The following ASIC2 variants were observed in gnomAD, a reference collection of about 807,000 sequenced individuals.
ASIC2 encodes the protein acid sensing ion channel subunit 2.
Under a neutral mutation model 57.3 loss-of-function variants are expected in ASIC2, and 25 were observed. The ratio of observed to expected loss-of-function variants is 0.44; its 90% CI spans 0.32 to 0.61. ASIC2 has a LOEUF of 0.61. Ranked by LOEUF, ASIC2 falls within the 20% of genes least tolerant of loss-of-function variation. The pLI is 0.06. For missense variants in ASIC2, 641 were observed against 738.1 expected (o/e 0.87, Z 1.52); for synonymous variants, 319 against 307.5 (o/e 1.04, Z -0.39).
intron 1 of ASIC2, among the ~76,000 whole-genome samples, chr17:33,168,013 T>G (rs575855769): frequency 6.6e-6 from 1 of 152,338 alleles, no homozygotes; most frequent in South Asian, 2.1e-4. Context: ...AATGCAATAA[T>G]GCCAATATTG....
rs182486705 is a variant in ASIC2 at position 33,707,638 on chromosome 17, C to T, written c.555+448340G>A. On this transcript the variant is annotated intron_variant, in intron 1 of 9. Coordinates refer to the ASIC2 transcript ENST00000359872. Reference sequence around the variant, plus strand: ...GAGAATGTAAATTGGAGAGTTTCCCCGCATAGTTTTCCCTTCTCTGAGTTC... The same window carrying T: ...GAGAATGTAAATTGGAGAGTTTCCCTGCATAGTTTTCCCTTCTCTGAGTTC... Among the ~76,000 whole-genome samples, 563 of 152,232 alleles carry T rather than the reference C, an allele frequency of 3.7e-3. 2 individuals carry two copies. The highest frequency in any genetic ancestry group is 0.01 in the Middle Eastern group (3 of 294).
chr17:33,366,590 A>G (rs1028811999), intron 1 of ASIC2, among the ~76,000 whole-genome samples: 1 of 152,156 alleles, frequency 6.6e-6, no homozygotes, highest in Non-Finnish European at 1.5e-5. Flanking sequence ...TTATCCTCCC[A>G]TGGCTTGCAG....
At chr17:33,096,510 G>C (rs1242211986) in intron 2 of ASIC2, among the ~76,000 whole-genome samples, 3 of 152,202 alleles carry the variant, frequency 2.0e-5, no homozygotes, top group African/African-American at 7.2e-5. Flanking sequence ...CTGATTTATG[G>C]CATCATTTCT....
chr17:33,836,116 C>CTTTTT lies in ASIC2; in HGVS notation c.555+319857_555+319861dup, dbSNP rs747425378. ...ATTATCTCATTTACCCCTCATACAG[C>CTTTTT]TTTTTTTTTTTTTTTTTTTTGGAGA... On this transcript the variant is annotated intron_variant, in intron 1 of 9. Coordinates refer to the ASIC2 transcript ENST00000359872. Among the ~76,000 whole-genome samples the CTTTTT allele has an allele frequency of 4.6e-4, 54 of 116,360 alleles. 1 individual carries two copies. Among genetic ancestry groups the CTTTTT allele is most frequent in the East Asian group, 4.6e-3 (14 of 3,034 alleles). 76.3% of individuals were successfully genotyped at this position (116,360 alleles called of 152,430 possible). A position where few individuals can be genotyped will look rare whatever the true frequency, so the allele number is the denominator to read the frequency against.
chr17:33,623,766 C>T (rs937689704), intron 1 of ASIC2, among the ~76,000 whole-genome samples: 3 of 152,124 alleles, frequency 2.0e-5, no homozygotes, highest in African/African-American at 7.2e-5. Context: ...CATTCCCTAA[C>T]TACATTTTTT....
At chr17:33,660,442 G>A (rs1399397616) in intron 1 of ASIC2, among the ~76,000 whole-genome samples, 1 of 151,658 alleles carries the variant, frequency 6.6e-6, no homozygotes, top group Admixed American at 6.6e-5. Flanking sequence ...TATTCTATAA[G>A]CTTTTTTCTG....
chr17:33,658,071 C>T (rs1907132381), intron 1 of ASIC2, among the ~76,000 whole-genome samples: 1 of 152,186 alleles, frequency 6.6e-6, no homozygotes, highest in African/African-American at 2.4e-5. Flanking sequence ...CTAGCCCTCA[C>T]CTGAGGCCTC....
At chr17:33,629,309 G>T (rs1906087087) in intron 1 of ASIC2, among the ~76,000 whole-genome samples, 1 of 122,656 alleles carries the variant, frequency 8.2e-6, no homozygotes, top group African/African-American at 3.2e-5. Context: ...GAATGATTAG[G>T]CTTCAAATTA....
At chr17:33,663,459 TTTC>T (rs990730301) in intron 1 of ASIC2, among the ~76,000 whole-genome samples, 14 of 152,016 alleles carry the variant, frequency 9.2e-5, no homozygotes, top group African/African-American at 3.1e-4. Flanking sequence ...GTTTTTTTTT[TTTC>T]TTCTTCTCCA....
intron 1 of ASIC2, among the ~76,000 whole-genome samples, chr17:33,614,982 T>C (rs1198684172): frequency 1.3e-5 from 2 of 152,238 alleles, no homozygotes; most frequent in African/African-American, 4.8e-5. Context: ...TGTCTGTCAA[T>C]GCATTAATTA....
intron 1 of ASIC2, among the ~76,000 whole-genome samples, chr17:33,201,563 C>A (rs73279758): frequency 0.023 from 3,563 of 152,310 alleles, 129 homozygotes; most frequent in African/African-American, 0.081. Context: ...CACCCCTTTT[C>A]TAGACATTTC....
chr17:34,149,273 A>G (rs1052248346), intron 1 of ASIC2, among the ~76,000 whole-genome samples: 1 of 151,898 alleles, frequency 6.6e-6, no homozygotes, highest in Non-Finnish European at 1.5e-5. Flanking sequence ...CTCCTGGCTC[A>G]TTTTTGTATT....
intron 1 of ASIC2, among the ~76,000 whole-genome samples, chr17:33,128,220 T>G (rs1395975917): frequency 6.6e-6 from 1 of 152,218 alleles, no homozygotes; most frequent in Non-Finnish European, 1.5e-5. Context: ...CCTGTCACAC[T>G]GGACAGTCTG....
chr17:33,798,297 T>G (rs1911979637), intron 1 of ASIC2, among the ~76,000 whole-genome samples: 1 of 152,162 alleles, frequency 6.6e-6, no homozygotes, highest in Non-Finnish European at 1.5e-5. Context: ...ATGCAGAGAT[T>G]CTGGGCTCAG....
chr17:33,595,405 C>G (rs553450478), intron 1 of ASIC2, among the ~76,000 whole-genome samples: 2 of 152,304 alleles, frequency 1.3e-5, no homozygotes, highest in East Asian at 3.9e-4. Context: ...AGGGCTAAGG[C>G]TGGGAGCCCG....
intron 1 of ASIC2, among the ~76,000 whole-genome samples, chr17:33,275,384 T>G (rs1180473391): frequency 6.6e-6 from 1 of 152,242 alleles, no homozygotes; most frequent in African/African-American, 2.4e-5. Flanking sequence ...AGTTCTCCTC[T>G]GCAGCTTACT....
At chr17:34,126,773 G>GTCAC (rs1247359664) in intron 1 of ASIC2, among the ~76,000 whole-genome samples, 14 of 152,308 alleles carry the variant, frequency 9.2e-5, no homozygotes, top group Non-Finnish European at 2.1e-4. Context: ...GGGCACATGA[G>GTCAC]TCACCTGGGG....
At chr17:33,302,170 T>C (rs1905983585) in intron 1 of ASIC2, among the ~76,000 whole-genome samples, 2 of 152,212 alleles carry the variant, frequency 1.3e-5, no homozygotes, top group South Asian at 4.1e-4. Context: ...GCTGTGGTCA[T>C]AACGTTAGCA....
At chr17:33,826,190 T>C (rs929296220) in intron 1 of ASIC2, among the ~76,000 whole-genome samples, 3 of 152,248 alleles carry the variant, frequency 2.0e-5, no homozygotes, top group African/African-American at 7.2e-5. Context: ...GGTTACCTTT[T>C]ATAGTTCACT....
Sources: gnomAD v4.1 joint callset for allele counts (sites outside exome capture counted in the v4.1 genomes callset) on GRCh38, gnomAD v4.1.1 for gene constraint, MANE v1.5 for transcripts, NCBI Gene and HGNC (gene_info 2026-07-23, HGNC 2026-07-21) for gene names.